Variants in PSMA1 observed in about 807,000 individuals in gnomAD.
PSMA1 encodes proteasome subunit alpha type-1.
A neutral mutation model predicts 38.4 loss-of-function variants in PSMA1; 3 were observed. That is an observed-to-expected ratio of 0.08 (90% confidence interval 0.04 to 0.20). The LOEUF is 0.20. PSMA1 is among the 10% of genes least tolerant of loss of function. PSMA1 has a pLI of 1.00. For synonymous variants in PSMA1, 101 were observed against 107.1 expected (o/e 0.94, Z 0.35); for missense variants, 227 against 325.3 (o/e 0.70, Z 2.32).
chr11:14,643,111 G>A (rs1322602658), intron 1 of PSMA1, among the ~76,000 whole-genome samples: 2 of 150,518 alleles, frequency 1.3e-5, no homozygotes, highest in African/African-American at 4.9e-5. Context: ...GAACGTGCAC[G>A]TGGAGTGCTA....
chr11:14,564,035 C>CA (rs1194449701), intron 2 of PSMA1, among the ~76,000 whole-genome samples: 9 of 152,066 alleles, frequency 5.9e-5, no homozygotes, highest in African/African-American at 2.2e-4. Context: ...AGAAGTAATA[C>CA]AAAAAGATAC....
intron 1 of PSMA1, among the ~76,000 whole-genome samples, chr11:14,614,456 A>ATC (rs1409860105): frequency 1.3e-5 from 2 of 152,050 alleles, no homozygotes; most frequent in East Asian, 1.9e-4. Context: ...TGGCTCCTAG[A>ATC]TCTCTCTTCA....
intron 1 of PSMA1, among the ~76,000 whole-genome samples, chr11:14,638,527 CTCTCTCTCTCTCTCTCTCTATATA>C (rs1372886179): frequency 1.6e-4 from 4 of 25,240 alleles, no homozygotes; most frequent in African/African-American, 6.5e-4. Flanking sequence ...CTCTCTCTCT[CTCTCTCTCTCTCTCTCTCTATATA>C]TATATATATA....
chr11:14,524,815 A>G (rs1383412243), upstream of PSMA1, among the ~76,000 whole-genome samples: 1 of 152,156 alleles, frequency 6.6e-6, no homozygotes, highest in East Asian at 1.9e-4. Context: ...CCCAAGGAAC[A>G]TCTCACCGAT....
chr11:14,618,394 A>C (rs1169812498), intron 1 of PSMA1, among the ~76,000 whole-genome samples: 1 of 152,212 alleles, frequency 6.6e-6, no homozygotes, highest in African/African-American at 2.4e-5. Context: ...GAACTGCTGA[A>C]GTTTACTATC....
chr11:14,590,069 C>T (rs943287062), intron 2 of PSMA1, among the ~76,000 whole-genome samples: 1 of 152,178 alleles, frequency 6.6e-6, no homozygotes, highest in Non-Finnish European at 1.5e-5. Flanking sequence ...TTGAGGACAT[C>T]ATACAAATGA....
At chr11:14,524,770 A>G (rs1851568868), upstream of PSMA1, among the ~76,000 whole-genome samples, 1 of 152,120 alleles carries the variant, frequency 6.6e-6, no homozygotes, top group Non-Finnish European at 1.5e-5. Context: ...CTGTGAAGAG[A>G]TCCACCTATG....
chr11:14,600,249 C>A (rs199790499), intron 2 of PSMA1, among the ~76,000 whole-genome samples: 1 of 152,190 alleles, frequency 6.6e-6, no homozygotes, highest in African/African-American at 2.4e-5. Flanking sequence ...AGCTCAAACG[C>A]TATGCTGGGA....
chr11:14,512,673 A>G (rs1420056544), intron 7 of PSMA1, among the ~76,000 whole-genome samples: 3 of 152,228 alleles, frequency 2.0e-5, no homozygotes, highest in Admixed American at 2.0e-4. Flanking sequence ...AGCATAAGGA[A>G]GCCTGCACAT....
Position 14,546,026 on chromosome 11 carries a change from G to T in PSMA1, c.22-26985C>A, listed in dbSNP as rs57452255. ...TTCTGTCTCTAGACTCCTTTGGGGG[G>T]GTCCATCAAGCTCAAGTTAAAAACC... On this transcript the variant is annotated intron_variant, in intron 2 of 10. Transcript: ENST00000418988. 1.2e-4 allele frequency among the ~76,000 whole-genome samples: 19 copies of T among 152,242 alleles called. No individual in the cohort carries two copies. The East Asian group carries it at 3.1e-3, about 25-fold the overall frequency.
At chr11:14,574,966 G>A (rs1852194653) in intron 2 of PSMA1, among the ~76,000 whole-genome samples, 1 of 152,154 alleles carries the variant, frequency 6.6e-6, no homozygotes, top group African/African-American at 2.4e-5. Context: ...CAGTTTGGAG[G>A]GCTCAGAAGA....
intron 2 of PSMA1, among the ~76,000 whole-genome samples, chr11:14,575,747 T>C (rs1462723955): frequency 6.6e-6 from 1 of 152,240 alleles, no homozygotes; most frequent in Non-Finnish European, 1.5e-5. Context: ...TATAGCAGCA[T>C]GATTTATAAT....
At chr11:14,638,537 CTCTCTCTCTATA>C (rs1383609052) in intron 1 of PSMA1, among the ~76,000 whole-genome samples, 15 of 22,690 alleles carry the variant, frequency 6.6e-4, no homozygotes, top group African/African-American at 1.3e-3. Flanking sequence ...CTCTCTCTCT[CTCTCTCTCTATA>C]TATATATATA....
At chr11:14,590,078 G>GA (rs1852392842) in intron 2 of PSMA1, among the ~76,000 whole-genome samples, 1 of 152,188 alleles carries the variant, frequency 6.6e-6, no homozygotes, top group Non-Finnish European at 1.5e-5. Context: ...TCATACAAAT[G>GA]AAATAAGCCA....
chr11:14,574,377 G>T (rs1024912329), intron 2 of PSMA1, among the ~76,000 whole-genome samples: 1 of 152,216 alleles, frequency 6.6e-6, no homozygotes, highest in Non-Finnish European at 1.5e-5. Flanking sequence ...TACTTGGGCT[G>T]CTGCTTCAGA....
At chr11:14,630,561 G>T (rs1420289930) in intron 1 of PSMA1, among the ~76,000 whole-genome samples, 14 of 151,906 alleles carry the variant, frequency 9.2e-5, no homozygotes, top group Non-Finnish European at 1.6e-4. Context: ...GCTGGATTCG[G>T]TTTGCCAGTA....
chr11:14,589,721 TG>T (rs1230878407), intron 2 of PSMA1, among the ~76,000 whole-genome samples: 1 of 152,150 alleles, frequency 6.6e-6, no homozygotes, highest in African/African-American at 2.4e-5. Flanking sequence ...ACATCAAGGT[TG>T]TCTTGGCTTA....
intron 2 of PSMA1, among the ~76,000 whole-genome samples, chr11:14,579,403 T>C (rs1389554932): frequency 6.6e-6 from 1 of 152,168 alleles, no homozygotes; most frequent in Non-Finnish European, 1.5e-5. Context: ...CTTCTGTCTG[T>C]TATAAGGATA....
chr11:14,551,895 T>A (rs1427837527), intron 2 of PSMA1, among the ~76,000 whole-genome samples: 1 of 152,222 alleles, frequency 6.6e-6, no homozygotes, highest in Non-Finnish European at 1.5e-5. Flanking sequence ...TGTTAAAATA[T>A]TAATTTTATT....
Sources: allele counts gnomAD v4.1 joint callset (sites outside exome capture counted in the v4.1 genomes callset), GRCh38; gene constraint gnomAD v4.1.1; transcripts MANE v1.5; gene names NCBI Gene and HGNC (gene_info 2026-07-23, HGNC 2026-07-21).